Variants in DYNC2H1 observed in about 807,000 individuals in gnomAD.
DYNC2H1 encodes cytoplasmic dynein 2 heavy chain 1.
A neutral mutation model predicts 570.0 loss-of-function variants in DYNC2H1; 410 were observed. The ratio of observed to expected loss-of-function variants is 0.72; its 90% confidence interval spans 0.66 to 0.78. The LOEUF (loss-of-function observed/expected upper bound fraction) is 0.78, where lower values mean the gene tolerates loss of function less well. DYNC2H1 is among the 30% of genes least tolerant of loss of function. The pLI is 0.00. For missense variants in DYNC2H1, 4,865 were observed against 5,046.4 expected, an observed-to-expected ratio of 0.96 and a Z score of 1.09; for synonymous variants, 1,688 against 1,677.6, an observed-to-expected ratio of 1.01 and a Z score of -0.15.
intron 79 of DYNC2H1, 30 bp from the exon 80 acceptor site, chr11:103,316,515 T>A: frequency 2.0e-6 from 3 of 1,477,304 alleles, no homozygotes; most frequent in South Asian, 2.6e-5. Flanking sequence ...ACTGCTTAGT[T>A]GTTTACTTAA....
chr11:103,265,943 C>T (rs1010943758), intron 70 of DYNC2H1, among the ~76,000 whole-genome samples: 2 of 152,158 alleles, frequency 1.3e-5, no homozygotes, highest in Admixed American at 6.5e-5. Flanking sequence ...AGTGGGCCAG[C>T]GCTCATCTCC....
chr11:103,192,460 TA>T (rs1470650899), intron 47 of DYNC2H1, among the ~76,000 whole-genome samples, 196 bp downstream of exon 47: 1 of 152,190 alleles, frequency 6.6e-6, no homozygotes, highest in Non-Finnish European at 1.5e-5. Context: ...TAATGGCAAT[TA>T]TTTTTTTCTT....
At position 103,128,894 on chromosome 11, in the gene DYNC2H1, GACTTTT is replaced by G. The variant is rs1180125838; in HGVS notation, c.1858-10_1858-5del. ...TGAAGTTATTAATTATTACTAATTG[GACTTTT>G]ACTTTGTAGGTGGCACATTTTTATA... On this transcript the variant is annotated splice_polypyrimidine_tract_variant and intron_variant, in intron 12 of 88. Coordinates refer to ENST00000375735, the MANE Select transcript of DYNC2H1 (RefSeq NM_001377.3). The G allele has an allele frequency of 2.0e-6, 3 of 1,531,010 alleles. No homozygotes were observed. Among genetic ancestry groups the G allele is most frequent in the Non-Finnish European group, 2.7e-6 (3 of 1,130,828 alleles). 94.8% of individuals were successfully genotyped at this position (1,531,010 alleles called of 1,614,324 possible).
At position 103,199,006 on chromosome 11, in the gene DYNC2H1, G is replaced by A. The variant is rs916895943; in HGVS notation, c.7840-222G>A. Among the ~76,000 whole-genome samples the A allele has an allele frequency of 2.0e-5, 3 of 151,976 alleles. No individual in the cohort carries two copies. The highest frequency in any genetic ancestry group is 7.3e-5 in the African/African-American group (3 of 41,376). On this transcript the variant is annotated intron_variant, in intron 48 of 88. Transcript: ENST00000375735. The surrounding 1 kb of genome is among the most constrained non-coding windows in gnomAD (Gnocchi z 4.6). ...GTGACCAAAAGTAACTGATTTTCACGGACCCTTGAACTTGTTTGACATGAG... is the reference window on the plus strand; with the variant it reads ...GTGACCAAAAGTAACTGATTTTCACAGACCCTTGAACTTGTTTGACATGAG...
intron 59 of DYNC2H1, among the ~76,000 whole-genome samples, chr11:103,227,961 T>G (rs1475158351): frequency 6.6e-6 from 1 of 152,190 alleles, no homozygotes; most frequent in Non-Finnish European, 1.5e-5. Flanking sequence ...TTTTAATTGC[T>G]GTTGCTTTAA....
chr11:103,274,792 G>A (rs1387823871), intron 70 of DYNC2H1, among the ~76,000 whole-genome samples: 1 of 152,022 alleles, frequency 6.6e-6, no homozygotes, highest in African/African-American at 2.4e-5. Flanking sequence ...TGTTTTGAGG[G>A]ATTTAAAATT....
At chr11:103,149,468 C>T (rs1179937881) in intron 20 of DYNC2H1, among the ~76,000 whole-genome samples, 7 of 151,968 alleles carry the variant, frequency 4.6e-5, no homozygotes, top group African/African-American at 1.4e-4. Context: ...CTTATGTGCC[C>T]CCACTTAAAA....
chr11:103,132,825 G>C (rs1196279647), intron 13 of DYNC2H1, among the ~76,000 whole-genome samples: 1 of 151,842 alleles, frequency 6.6e-6, no homozygotes, highest in East Asian at 2.0e-4. Flanking sequence ...GCACCTTGTT[G>C]CCTCCAAGCT....
At chr11:103,188,083 A>G (rs1862146535) in intron 43 of DYNC2H1, among the ~76,000 whole-genome samples, 1 of 152,054 alleles carries the variant, frequency 6.6e-6, no homozygotes, top group Non-Finnish European at 1.5e-5. Context: ...AGAAGCTATA[A>G]ATTCTTAGAG....
rs763376993 is a variant in DYNC2H1 at position 103,199,109 on chromosome 11, T to A, written c.7840-119T>A. The A allele has an allele frequency of 5.0e-5, 32 of 635,774 alleles. No homozygotes were observed. The highest frequency in any genetic ancestry group is 6.9e-5 in the Non-Finnish European group (28 of 406,194). The allele number at this position is 635,774 out of a possible 1,614,324, so 39.4% of individuals were successfully genotyped here. ...ATATTGAGTGTGAGATGATATGTAG[T>A]CACTTTACTTTTTTTCTTGAATGTA... is the stretch of plus-strand genomic sequence containing the variant. On this transcript the variant is annotated intron_variant, in intron 48 of 88. Coordinates refer to ENST00000375735, the MANE Select transcript of DYNC2H1 (RefSeq NM_001377.3). This position sits in a 1 kb window ranked among gnomAD's most constrained non-coding sequence, Gnocchi z 4.6.
intron 60 of DYNC2H1, among the ~76,000 whole-genome samples, chr11:103,231,849 A>G (rs899493913): frequency 3.3e-5 from 5 of 151,588 alleles, no homozygotes; most frequent in Non-Finnish European, 7.4e-5. Context: ...TCAGGAAACA[A>G]TTTTCTCTCT....
At chr11:103,267,172 G>A (rs55836742) in intron 70 of DYNC2H1, among the ~76,000 whole-genome samples, 28,445 of 151,732 alleles carry the variant, frequency 0.19, 3,554 homozygotes, top group African/African-American at 0.36. Flanking sequence ...TTAGTCCCCA[G>A]AGCCACTGAG....
intron 70 of DYNC2H1, among the ~76,000 whole-genome samples, chr11:103,270,125 G>A (rs557998883): frequency 4.0e-5 from 6 of 151,544 alleles, no homozygotes; most frequent in Non-Finnish European, 7.4e-5. Context: ...CCCAGGAGGT[G>A]GAGGTTGCAG....
intron 60 of DYNC2H1, among the ~76,000 whole-genome samples, chr11:103,231,932 T>A (rs796857491): frequency 4.0e-5 from 6 of 151,782 alleles, no homozygotes; most frequent in African/African-American, 1.5e-4. Context: ...TATATACTTA[T>A]AGAGAAATAC....
intron 84 of DYNC2H1, among the ~76,000 whole-genome samples, chr11:103,423,709 A>G (rs1273140992): frequency 1.3e-5 from 2 of 151,946 alleles, no homozygotes; most frequent in Non-Finnish European, 2.9e-5. Flanking sequence ...AGGAACCTAC[A>G]GCTAGATTTT....
intron 59 of DYNC2H1, among the ~76,000 whole-genome samples, chr11:103,230,908 C>T (rs1863982714): frequency 6.6e-6 from 1 of 152,080 alleles, no homozygotes; most frequent in Non-Finnish European, 1.5e-5. Context: ...TCTCCTATTT[C>T]ATACTTTCCT....
At position 103,363,123 on chromosome 11, in the gene DYNC2H1, T is replaced by G. The variant is rs1940741367; in HGVS notation, c.12156+4764T>G. On this transcript the variant is annotated intron_variant, in intron 83 of 88. Transcript: ENST00000375735. The surrounding 1 kb of genome is among the most constrained non-coding windows in gnomAD (Gnocchi z 5.6). The stretch of plus-strand genomic sequence containing the variant: ...TGGTCTAGGTTTAGCTTGATTTTTA[T>G]CCTGTTATTTTGCACGAGATGCCTT... Among the ~76,000 whole-genome samples the G allele has an allele frequency of 6.6e-6, 1 of 152,116 alleles. No individual in the cohort carries two copies. The highest frequency in any genetic ancestry group is 1.5e-5 in the Non-Finnish European group (1 of 68,014).
rs1463613945 is a variant in DYNC2H1 at position 103,204,661 on chromosome 11, T to C, written c.8312-161T>C. On this transcript the variant is annotated intron_variant, in intron 51 of 88. Transcript: ENST00000375735. The surrounding 1 kb of genome is among the most constrained non-coding windows in gnomAD (Gnocchi z 4.1). ...ACATGCACATACACAAATTTATAAG[T>C]GTTCTTTTAACTAAAATAAAAATCA... 6.6e-6 allele frequency among the ~76,000 whole-genome samples: 1 copy of C among 152,202 alleles called. No homozygotes were observed.
chr11:103,307,624 A>G (rs984296274), intron 77 of DYNC2H1, 97 bp from the exon 78 acceptor site: 2 of 609,818 alleles, frequency 3.3e-6, no homozygotes, highest in Non-Finnish European at 5.4e-6. Context: ...AGAATGTCAC[A>G]AAAGTTTTAA....
Sources: allele counts gnomAD v4.1 joint callset (sites outside exome capture counted in the v4.1 genomes callset), GRCh38; gene constraint gnomAD v4.1.1; non-coding constraint Gnocchi (gnomAD v3.1); transcripts MANE v1.5; gene names NCBI Gene and HGNC (gene_info 2026-07-23, HGNC 2026-07-21).